The following GRIK4 variants were observed in gnomAD, a reference collection of about 807,000 sequenced individuals.
GRIK4 encodes glutamate receptor ionotropic, kainate 4.
GRIK4 carries 40 observed loss-of-function variants against 104.9 expected under a neutral mutation model. That is an observed-to-expected ratio of 0.38 (90% CI 0.30 to 0.50). The LOEUF (loss-of-function observed/expected upper bound fraction) is 0.50. GRIK4 is among the 20% of genes least tolerant of loss of function. The probability of loss-of-function intolerance (pLI) is 0.93; values close to 1 mark genes in which losing one functional copy is unlikely to be tolerated. For synonymous variants in GRIK4, 485 were observed against 524.9 expected, an observed-to-expected ratio of 0.92 and a Z score of 1.04; for missense variants, 1,047 against 1,308.1, an observed-to-expected ratio of 0.80 and a Z score of 3.08.
At chr11:120,765,621 G>T (rs2135448019) in intron 3 of GRIK4, among the ~76,000 whole-genome samples, 1 of 152,266 alleles carries the variant, frequency 6.6e-6, no homozygotes, top group South Asian at 2.1e-4. Context: ...CTTTGCTGCT[G>T]GTGACCTTCA....
chr11:120,767,798 G>C (rs2135451530), intron 3 of GRIK4, among the ~76,000 whole-genome samples: 1 of 152,202 alleles, frequency 6.6e-6, no homozygotes, highest in Admixed American at 6.5e-5. Context: ...ATTTATTAAA[G>C]AGACTATCAT....
intron 1 of GRIK4, among the ~76,000 whole-genome samples, chr11:120,529,369 C>T (rs150989845): frequency 2.1e-3 from 327 of 152,312 alleles, no homozygotes; most frequent in African/African-American, 7.5e-3. Flanking sequence ...CAAGCCCAGC[C>T]GCTGTGCCCA....
At chr11:120,730,190 A>G (rs77742814) in intron 3 of GRIK4, among the ~76,000 whole-genome samples, 2 of 151,994 alleles carry the variant, frequency 1.3e-5, no homozygotes, top group African/African-American at 2.4e-5. Flanking sequence ...CCCTGTCTCT[A>G]TGAAATATTA....
At chr11:120,879,997 G>A (rs1326774532) in intron 11 of GRIK4, among the ~76,000 whole-genome samples, 1 of 152,238 alleles carries the variant, frequency 6.6e-6, no homozygotes, top group African/African-American at 2.4e-5. Context: ...TGTTAGTGCT[G>A]TAATAAGATG....
intron 1 of GRIK4, among the ~76,000 whole-genome samples, chr11:120,567,304 G>A (rs1948342860): frequency 6.6e-6 from 1 of 151,604 alleles, no homozygotes. Context: ...GGAATGCAGG[G>A]GTGTGCCACT....
chr11:120,570,352 A>C (rs1223184855), intron 1 of GRIK4, among the ~76,000 whole-genome samples: 1 of 152,074 alleles, frequency 6.6e-6, no homozygotes, highest in Non-Finnish European at 1.5e-5. Flanking sequence ...ATGGCTTTCA[A>C]CTGTTTAGCT....
chr11:120,615,204 A>G (rs1949094586), intron 1 of GRIK4, among the ~76,000 whole-genome samples: 1 of 152,040 alleles, frequency 6.6e-6, no homozygotes, highest in Admixed American at 6.6e-5. Context: ...TGGTTAAGTG[A>G]GTTTATGCAG....
intron 1 of GRIK4, among the ~76,000 whole-genome samples, chr11:120,598,127 C>T (rs540562523): frequency 9.2e-5 from 14 of 152,284 alleles, no homozygotes; most frequent in African/African-American, 2.9e-4. Flanking sequence ...GTTCTTTCCA[C>T]TCTTCTGGAA....
intron 1 of GRIK4, among the ~76,000 whole-genome samples, chr11:120,582,351 T>C (rs567629052): frequency 2.6e-5 from 4 of 151,766 alleles, no homozygotes; most frequent in African/African-American, 9.7e-5. Context: ...CATGTGTAGG[T>C]TTGTTATATA....
At chr11:120,768,499 G>T (rs1181054210) in intron 3 of GRIK4, among the ~76,000 whole-genome samples, 2 of 152,034 alleles carry the variant, frequency 1.3e-5, no homozygotes, top group Non-Finnish European at 2.9e-5. Context: ...TGTAAGTAAA[G>T]ATCATTTGAA....
intron 1 of GRIK4, among the ~76,000 whole-genome samples, chr11:120,612,098 C>A (rs1484679366): frequency 6.6e-6 from 1 of 152,182 alleles, no homozygotes; most frequent in Non-Finnish European, 1.5e-5. Flanking sequence ...TTAATTCATT[C>A]TTCTCCTGAC....
chr11:120,519,786 G>T (rs1947773567), intron 1 of GRIK4, among the ~76,000 whole-genome samples: 1 of 151,224 alleles, frequency 6.6e-6, no homozygotes, highest in Non-Finnish European at 1.5e-5. Flanking sequence ...ATGCATGCTT[G>T]TGGGTGCACA....
intron 1 of GRIK4, among the ~76,000 whole-genome samples, chr11:120,581,349 C>A (rs897373038): frequency 2.4e-4 from 37 of 152,218 alleles, no homozygotes; most frequent in Admixed American, 1.4e-3. Context: ...TTTCAGAAGA[C>A]AGCCTCTTGG....
At chr11:120,914,634 C>G (rs531842812) in intron 13 of GRIK4, among the ~76,000 whole-genome samples, 3 of 152,068 alleles carry the variant, frequency 2.0e-5, no homozygotes, top group Non-Finnish European at 4.4e-5. Flanking sequence ...CAACTGGAGC[C>G]AAGCATGAGA....
intron 6 of GRIK4, among the ~76,000 whole-genome samples, chr11:120,820,234 A>G (rs1424569544): frequency 2.0e-5 from 3 of 152,176 alleles, no homozygotes; most frequent in Non-Finnish European, 4.4e-5. Context: ...ACTAGGTTAC[A>G]AGGAGACTGG....
intron 3 of GRIK4, among the ~76,000 whole-genome samples, chr11:120,738,399 G>A (rs965764086): frequency 6.6e-6 from 1 of 152,228 alleles, no homozygotes; most frequent in East Asian, 1.9e-4. Flanking sequence ...GCAAAGGAGA[G>A]GGCAAGCGAT....
intron 1 of GRIK4, among the ~76,000 whole-genome samples, chr11:120,536,606 C>T (rs1449288481): frequency 6.6e-6 from 1 of 152,172 alleles, no homozygotes; most frequent in East Asian, 1.9e-4. Flanking sequence ...CTTTGGGTCT[C>T]TGGTGCCAGA....
chr11:120,701,912 G>A (rs1220878140), intron 3 of GRIK4, among the ~76,000 whole-genome samples: 2 of 148,312 alleles, frequency 1.3e-5, no homozygotes, highest in East Asian at 4.0e-4. Flanking sequence ...GATATGAGAT[G>A]TGTATGTGTA....
intron 1 of GRIK4, among the ~76,000 whole-genome samples, chr11:120,538,180 C>T (rs1007943600): frequency 1.2e-4 from 18 of 152,258 alleles, no homozygotes; most frequent in Admixed American, 4.6e-4. Flanking sequence ...CCATCCCTCC[C>T]GCTGTGTGCT....
Sources: gnomAD v4.1 joint callset for allele counts (sites outside exome capture counted in the v4.1 genomes callset) on GRCh38, gnomAD v4.1.1 for gene constraint, MANE v1.5 for transcripts, NCBI Gene and HGNC (gene_info 2026-07-23, HGNC 2026-07-21) for gene names.